The following P4HA1 variants were observed in gnomAD, a reference collection of about 807,000 sequenced individuals.
P4HA1 encodes the protein prolyl 4-hydroxylase subunit alpha 1.
P4HA1 carries 24 observed loss-of-function variants against 72.8 expected under a neutral mutation model. The observed-to-expected ratio is 0.33, with a 90% CI of 0.24 to 0.46. The LOEUF (loss-of-function observed/expected upper bound fraction) is 0.46. Ranked by LOEUF, P4HA1 falls within the 20% of genes least tolerant of loss-of-function variation. P4HA1 has a pLI of 1.00. For synonymous variants in P4HA1, 201 were observed against 218.8 expected, an observed-to-expected ratio of 0.92 and a Z score of 0.72; for missense variants, 446 against 640.6, an observed-to-expected ratio of 0.70 and a Z score of 3.28.
chr10:73,062,634 T>G (rs1020905329), intron 5 of P4HA1, among the ~76,000 whole-genome samples: 1 of 152,062 alleles, frequency 6.6e-6, no homozygotes, highest in Non-Finnish European at 1.5e-5. Flanking sequence ...AACACAACAG[T>G]GGTTTCTTTA....
intron 1 of P4HA1, among the ~76,000 whole-genome samples, chr10:73,088,611 TC>T (rs1260096361): frequency 6.6e-6 from 1 of 152,258 alleles, no homozygotes; most frequent in Non-Finnish European, 1.5e-5. Context: ...AAACTTTATT[TC>T]ATATCCACTG....
chr10:73,022,392 C>A (rs556815451), intron 10 of P4HA1, among the ~76,000 whole-genome samples: 12 of 152,298 alleles, frequency 7.9e-5, no homozygotes, highest in African/African-American at 2.6e-4. Context: ...TCCAACAGAC[C>A]TGCAGCTGAG....
intron 7 of P4HA1, among the ~76,000 whole-genome samples, chr10:73,049,587 C>A (rs1840964788): frequency 6.6e-6 from 1 of 152,138 alleles, no homozygotes; most frequent in Admixed American, 6.5e-5. Flanking sequence ...AGACTTTGTT[C>A]TTTTTGCTTT....
intron 7 of P4HA1, 27 bp from the exon 8 acceptor site, chr10:73,047,128 AATAT>A: frequency 2.0e-6 from 3 of 1,470,760 alleles, no homozygotes; most frequent in Non-Finnish European, 2.8e-6. Context: ...GAATATGATG[AATAT>A]ATTACAGTAA....
At chr10:73,023,389 C>A (rs561684574) in intron 10 of P4HA1, among the ~76,000 whole-genome samples, 3 of 152,244 alleles carry the variant, frequency 2.0e-5, no homozygotes, top group Non-Finnish European at 4.4e-5. Flanking sequence ...TCATATCCAG[C>A]CAAACTAAGC....
At chr10:73,014,382 G>GA (rs1455162252) in intron 11 of P4HA1, 93 bp from the exon 12 acceptor site, 7 of 921,006 alleles carry the variant, frequency 7.6e-6, no homozygotes, top group Admixed American at 5.8e-5. Context: ...ATATCCTGAA[G>GA]AATATGCCAA....
At chr10:73,063,681 C>T (rs537338143) in intron 5 of P4HA1, among the ~76,000 whole-genome samples, 4 of 152,292 alleles carry the variant, frequency 2.6e-5, no homozygotes, top group South Asian at 2.1e-4. Flanking sequence ...CATTAATCCA[C>T]GCAGATAGCA....
chr10:73,025,990 T>C (rs1392617110), intron 10 of P4HA1, among the ~76,000 whole-genome samples: 15 of 152,346 alleles, frequency 9.8e-5, no homozygotes. Context: ...TCCATGCTCA[T>C]GGATAGGAAG....
intron 8 of P4HA1, among the ~76,000 whole-genome samples, chr10:73,046,522 G>T (rs1840869187): frequency 6.6e-6 from 1 of 152,152 alleles, no homozygotes; most frequent in African/African-American, 2.4e-5. Flanking sequence ...GTAACAATGT[G>T]CCTAAAAGGG....
At chr10:73,073,403 TAG>T (rs1841613194) in intron 3 of P4HA1, among the ~76,000 whole-genome samples, 1 of 151,828 alleles carries the variant, frequency 6.6e-6, no homozygotes, top group African/African-American at 2.4e-5. Flanking sequence ...GTGTTTTTAG[TAG>T]AGACAGGGTT....
At chr10:73,066,551 T>A (rs891692688) in intron 5 of P4HA1, among the ~76,000 whole-genome samples, 2 of 152,182 alleles carry the variant, frequency 1.3e-5, no homozygotes, top group African/African-American at 4.8e-5. Context: ...GGGGTCTCAC[T>A]CTGTTGCCCA....
rs990723345 is a variant in P4HA1 at position 73,074,326 on chromosome 10, T to C, written c.76+482A>G. On this transcript the variant is annotated intron_variant, in intron 2 of 14. Coordinates refer to ENST00000394890, the MANE Select transcript of P4HA1 (RefSeq NM_001017962.3). Reference sequence around the variant, plus strand: ...GGAATCAAGAGTCATAAGTATATAATACTTATGGGCCAGGCGTGGCAGCTC... The same window carrying C: ...GGAATCAAGAGTCATAAGTATATAACACTTATGGGCCAGGCGTGGCAGCTC... Among the ~76,000 whole-genome samples, 5 of 152,240 alleles carry C rather than the reference T, an allele frequency of 3.3e-5. No homozygotes were observed. The South Asian group carries it at 8.3e-4, about 25-fold the overall frequency.
rs184492312 is a variant in P4HA1 at position 73,072,660 on chromosome 10, T to C, written c.174-480A>G. ...CTACTCATTAAATAAAAGACAGGAA[T>C]TCTCAGGTCAGGATTAACTATGAAC... On this transcript the variant is annotated intron_variant, in intron 3 of 14. Transcript: ENST00000394890. Among the ~76,000 whole-genome samples, 537 of 152,284 alleles carry C rather than the reference T, an allele frequency of 3.5e-3. 4 individuals are homozygous for C. Among genetic ancestry groups the C allele is most frequent in the African/African-American group, 0.013 (525 of 41,548 alleles).
intron 10 of P4HA1, among the ~76,000 whole-genome samples, chr10:73,021,290 A>G (rs11497795): frequency 0.16 from 23,899 of 152,146 alleles, 3,173 homozygotes; most frequent in African/African-American, 0.34. Context: ...TAGATCTACC[A>G]TATGATCCAG....
chr10:73,055,507 T>A (rs957672898), intron 5 of P4HA1, among the ~76,000 whole-genome samples: 2 of 152,154 alleles, frequency 1.3e-5, no homozygotes, highest in African/African-American at 4.8e-5. Context: ...GGTGCCTGGC[T>A]CGGCTACATG....
At chr10:73,081,231 G>A (rs1330133854) in intron 1 of P4HA1, among the ~76,000 whole-genome samples, 1 of 151,658 alleles carries the variant, frequency 6.6e-6, no homozygotes, top group Non-Finnish European at 1.5e-5. Context: ...ACAAAGAGGA[G>A]GGAGGGAGGA....
chr10:73,025,218 G>C (rs866559413), intron 10 of P4HA1, among the ~76,000 whole-genome samples: 5 of 151,526 alleles, frequency 3.3e-5, no homozygotes, highest in African/African-American at 1.2e-4. Context: ...GATGAACATC[G>C]ACGCAAAAAT....
intron 1 of P4HA1, among the ~76,000 whole-genome samples, chr10:73,078,270 C>T (rs548895288): frequency 1.7e-3 from 253 of 152,050 alleles, no homozygotes; most frequent in Non-Finnish European, 2.9e-3. Flanking sequence ...ATTAATGACA[C>T]AAAATAAGAA....
At chr10:73,063,464 T>C (rs1394401599) in intron 5 of P4HA1, among the ~76,000 whole-genome samples, 2 of 152,252 alleles carry the variant, frequency 1.3e-5, no homozygotes, top group East Asian at 1.9e-4. Context: ...TGGATGGACA[T>C]AGTCCAACAA....
Sources: gnomAD v4.1 joint callset for allele counts (sites outside exome capture counted in the v4.1 genomes callset) on GRCh38, gnomAD v4.1.1 for gene constraint, MANE v1.5 for transcripts, NCBI Gene and HGNC (gene_info 2026-07-23, HGNC 2026-07-21) for gene names.